Variants in TKTL1 observed in about 807,000 individuals in gnomAD.
The protein encoded by TKTL1 is transketolase like 1, also known as transketolase-like protein 1.
A neutral mutation model predicts 39.3 loss-of-function variants in TKTL1; 1 was observed. The observed-to-expected ratio is 0.03, with a 90% CI of 0.01 to 0.12. The LOEUF is 0.12. TKTL1 is among the 10% of genes least tolerant of loss of function. The pLI, the probability that TKTL1 is intolerant of heterozygous loss-of-function variation, is 1.00. For missense variants in TKTL1, 575 were observed against 509.6 expected (o/e 1.13, Z -1.24); for synonymous variants, 262 against 193.8 (o/e 1.35, Z -2.92).
chrX:154,300,975 G>A (rs1242230733), intron 1 of TKTL1, among the ~76,000 whole-genome samples: 1 of 109,910 alleles, frequency 9.1e-6, no homozygotes, highest in African/African-American at 3.3e-5. Flanking sequence ...AATTACAGAT[G>A]TGAGCCAACC....
At chrX:154,296,780 C>T (rs1022272330) in intron 1 of TKTL1, among the ~76,000 whole-genome samples, 7 of 111,085 alleles carry the variant, frequency 6.3e-5, no homozygotes, top group Non-Finnish European at 1.3e-4. Flanking sequence ...TTTGGGAGGC[C>T]GAGGCAGACG....
chrX:154,317,205 G>C (rs190087222), intron 7 of TKTL1, among the ~76,000 whole-genome samples: 2 of 112,359 alleles, frequency 1.8e-5, no homozygotes, highest in East Asian at 5.5e-4. Flanking sequence ...CGTCCCTGCT[G>C]ATATGTTCTC....
chrX:154,313,489 G>A (rs1426196071), intron 6 of TKTL1, among the ~76,000 whole-genome samples: 2 of 112,216 alleles, frequency 1.8e-5, no homozygotes, highest in Non-Finnish European at 3.8e-5. Context: ...GCGAGCCTAG[G>A]GAGGAAGGAC....
chrX:154,324,659 C>T (rs1156321743), intron 9 of TKTL1, among the ~76,000 whole-genome samples: 2 of 111,249 alleles, frequency 1.8e-5, no homozygotes, highest in African/African-American at 3.3e-5. Flanking sequence ...GGCTCCACGG[C>T]GGATGCAGCA....
chrX:154,312,888 A>G, intron 6 of TKTL1, 115 bp downstream of exon 6: 3 of 696,496 alleles, frequency 4.3e-6, no homozygotes, highest in South Asian at 6.7e-5. Flanking sequence ...GGACGAACCA[A>G]TTACTAGAGT....
chrX:154,304,835 G>A (rs1263914381), intron 1 of TKTL1: 3 of 325,230 alleles, frequency 9.2e-6, no homozygotes, highest in Admixed American at 4.7e-5. Context: ...TCTAAGAGCA[G>A]CAGTTACTTT....
In TKTL1 at chrX:154,323,292, T is replaced by C. The variant is rs782065793; in HGVS notation, c.1272T>C (p.Asp424=). 1 of 1,211,855 alleles carries C rather than the reference T, an allele frequency of 8.3e-7. No individual in the cohort carries two copies. The highest frequency in any genetic ancestry group is 1.8e-5 in the South Asian group (1 of 57,004). The part of the protein sequence containing the change: ...IPKCTIFYPT[D]AVSTEHAVAL... The stretch of plus-strand genomic sequence containing the variant: ...AGTGCACGATCTTCTACCCAACTGA[T>C]GCCGTCTCCACGGAGCATGCTGTTG... Residue 424 remains aspartate (D), a synonymous_variant, in exon 9 of 13, where the codon GAT becomes GAC. Transcript: ENST00000369915.
At chrX:154,320,642 A>T in intron 7 of TKTL1, 115 bp from the exon 8 acceptor site, 2 of 768,775 alleles carry the variant, frequency 2.6e-6, no homozygotes, top group South Asian at 2.3e-5. Flanking sequence ...GACGCATGCT[A>T]GAACTTCAGA....
At chrX:154,306,398 C>A (rs1448596949) in intron 2 of TKTL1, among the ~76,000 whole-genome samples, 1 of 111,565 alleles carries the variant, frequency 9.0e-6, no homozygotes, top group African/African-American at 3.3e-5. Flanking sequence ...CTGGGCATAG[C>A]TGAAGTAAGT....
intron 1 of TKTL1, among the ~76,000 whole-genome samples, chrX:154,297,000 A>C (rs1557164745): frequency 8.9e-6 from 1 of 112,001 alleles, no homozygotes; most frequent in Non-Finnish European, 1.9e-5. Context: ...AAAGAAAAAA[A>C]AGTTAAACCC....
At chrX:154,316,286 G>A (rs782742876) in intron 7 of TKTL1, among the ~76,000 whole-genome samples, 1 of 111,059 alleles carries the variant, frequency 9.0e-6, no homozygotes, top group East Asian at 2.8e-4. Flanking sequence ...TAGCCAGAGT[G>A]GTCTCAATCT....
Position 154,311,032 on chromosome X carries a change from C to T in TKTL1, c.542+5C>T. The T allele has an allele frequency of 8.3e-7, 1 of 1,211,666 alleles. No homozygotes were observed. ...GAGGCGCTGCGAAGCCTTTGGGTAA[C>T]TGTATTCTCTTGTGCTTGATTTCCA... is the stretch of plus-strand genomic sequence containing the variant. On this transcript the variant is annotated splice_donor_5th_base_variant and intron_variant, in intron 4 of 12. Coordinates refer to ENST00000369915, the MANE Select transcript of TKTL1 (RefSeq NM_012253.4).
chrX:154,302,191 CTCTT>C (rs1442918766), intron 1 of TKTL1, among the ~76,000 whole-genome samples: 14 of 110,995 alleles, frequency 1.3e-4, no homozygotes, highest in African/African-American at 3.9e-4. Context: ...TGACCCATTC[CTCTT>C]TCTTTTTTTT....
chrX:154,322,223 C>A (rs1371658122), intron 8 of TKTL1, among the ~76,000 whole-genome samples: 2 of 58,961 alleles, frequency 3.4e-5, no homozygotes, highest in South Asian at 3.0e-3. Context: ...CAGAGAGAGG[C>A]TTTGTCAAAA....
At chrX:154,297,437 T>C (rs782699214) in intron 1 of TKTL1, among the ~76,000 whole-genome samples, 121 of 110,293 alleles carry the variant, frequency 1.1e-3, no homozygotes, top group African/African-American at 3.7e-3. Context: ...TTCTGTTTTT[T>C]AGTGGAGACG....
intron 2 of TKTL1, 42 bp from the exon 3 acceptor site, chrX:154,309,303 C>T: frequency 1.8e-6 from 2 of 1,099,650 alleles, no homozygotes; most frequent in Non-Finnish European, 2.5e-6. Flanking sequence ...GATACCATGT[C>T]CTGCAGCTGC....
intron 6 of TKTL1, among the ~76,000 whole-genome samples, chrX:154,313,920 C>T (rs1365191041): frequency 1.9e-5 from 2 of 103,265 alleles, no homozygotes; most frequent in African/African-American, 3.7e-5. Flanking sequence ...GGCAACGGAG[C>T]GAGACTCTGT....
At chrX:154,298,089 T>C (rs1445886192) in intron 1 of TKTL1, among the ~76,000 whole-genome samples, 1 of 111,854 alleles carries the variant, frequency 8.9e-6, no homozygotes, top group Non-Finnish European at 1.9e-5. Context: ...TTGTGAGGCT[T>C]TCTGTTTCTA....
chrX:154,298,987 G>A (rs1299092120), intron 1 of TKTL1, among the ~76,000 whole-genome samples: 3 of 110,047 alleles, frequency 2.7e-5, no homozygotes, highest in Non-Finnish European at 5.7e-5. Context: ...GGGATTACAA[G>A]TGTGAGCCAC....
Sources: gnomAD v4.1 joint callset for allele counts (sites outside exome capture counted in the v4.1 genomes callset) on GRCh38, gnomAD v4.1.1 for gene constraint, MANE v1.5 for transcripts, NCBI Gene and HGNC (gene_info 2026-07-23, HGNC 2026-07-21) for gene names.